The following PIK3CD variants were observed in gnomAD, a reference collection of about 807,000 sequenced individuals.
PIK3CD encodes the protein phosphatidylinositol-4,5-bisphosphate 3-kinase catalytic subunit delta.
PIK3CD carries 20 observed loss-of-function variants against 122.9 expected under a neutral mutation model. The observed-to-expected ratio is 0.16, with a 90% CI of 0.11 to 0.24. The LOEUF is 0.24. Ranked by LOEUF, PIK3CD falls within the 10% of genes least tolerant of loss-of-function variation. The probability of loss-of-function intolerance (pLI) is 1.00; values close to 1 mark genes in which losing one functional copy is unlikely to be tolerated. For missense variants in PIK3CD, 787 were observed against 1,406.3 expected (o/e 0.56, Z 7.04); for synonymous variants, 596 against 593.4 (o/e 1.00, Z -0.06).
Position 9,702,098 on chromosome 1 carries a change from G to A in PIK3CD, c.-32-8326G>A, listed in dbSNP as rs111262400. On this transcript the variant is annotated intron_variant, in intron 2 of 23. Transcript: ENST00000377346. ...CAACCTCTGCCACCTGGGTTCAAGC[G>A]AGTCTCCTGCCTCAGCCTCCCGAGT... is the stretch of plus-strand genomic sequence containing the variant. Among the ~76,000 whole-genome samples the A allele has an allele frequency of 4.3e-3, 655 of 151,642 alleles. 5 individuals carry two copies. The highest frequency in any genetic ancestry group is 0.015 in the African/African-American group (609 of 41,340).
At chr1:9,635,136 G>T in the PIK3CD span, among the ~76,000 whole-genome samples, 2 of 151,952 alleles carry the variant, frequency 1.3e-5, no homozygotes, top group Admixed American at 1.3e-4. Context: ...TTAGCCAGGC[G>T]TGGTGGTGCA....
intron 1 of PIK3CD, chr1:9,653,671 T>A: frequency 1.7e-6 from 1 of 574,262 alleles, no homozygotes; most frequent in Admixed American, 2.7e-5. Flanking sequence ...GTTCTTTTGG[T>A]TGATGAGGCT....
chr1:9,664,995 G>C (rs1350385367), intron 1 of PIK3CD, among the ~76,000 whole-genome samples: 1 of 151,914 alleles, frequency 6.6e-6, no homozygotes, highest in Non-Finnish European at 1.5e-5. Context: ...TAGAGCCCAG[G>C]AGTTTGAGAC....
In PIK3CD at chr1:9,723,314, A is replaced by G; in HGVS notation, c.2594+22A>G. 6.2e-7 allele frequency: 1 copy of G among 1,613,010 alleles called. No homozygotes were observed. The highest frequency in any genetic ancestry group is 8.5e-7 in the Non-Finnish European group (1 of 1,179,292). ...CGGGGTGGGTTTCAGGCCCAGGGAT[A>G]GGTTCCCTCTCCTTTCCAAGAGGTG... is the stretch of plus-strand genomic sequence containing the variant. On this transcript the variant is annotated intron_variant, in intron 20 of 23. Coordinates refer to ENST00000377346, the MANE Select transcript of PIK3CD (RefSeq NM_005026.5). This position sits in a 1 kb window ranked among gnomAD's most constrained non-coding sequence, Gnocchi z 4.9.
Position 9,689,607 on chromosome 1 carries a change from C to T in PIK3CD, c.-137-1860C>T, listed in dbSNP as rs1423393821. Among the ~76,000 whole-genome samples, 13 of 150,732 alleles carry T rather than the reference C, an allele frequency of 8.6e-5. No homozygotes were observed. Among genetic ancestry groups the T allele is most frequent in the African/African-American group, 2.9e-4 (12 of 41,270 alleles). On this transcript the variant is annotated intron_variant, in intron 1 of 23. Transcript: ENST00000377346. The surrounding 1 kb of genome is among the most constrained non-coding windows in gnomAD (Gnocchi z 6.1). ...GGGCCTGCCCTCCGGCCCCCGCCGG[C>T]CCCGCGCCGCTGCCCGGAGGCTGGC...
Position 9,717,441 on chromosome 1 carries a change from C to G in PIK3CD, c.931-96C>G. 1 of 1,232,278 alleles carries G rather than the reference C, an allele frequency of 8.1e-7. No individual in the cohort carries two copies. The highest frequency in any genetic ancestry group is 1.2e-6 in the Non-Finnish European group (1 of 836,192). The allele number at this position is 1,232,278 out of a possible 1,614,324, so 76.3% of individuals were successfully genotyped here. ...AACCTGGCCGCAAACCTGTGACCCT[C>G]TCACCCGCCCCCAAGTGGTCACGGG... is the stretch of plus-strand genomic sequence containing the variant. On this transcript the variant is annotated intron_variant, in intron 7 of 23. Transcript: ENST00000377346. The surrounding 1 kb of genome is among the most constrained non-coding windows in gnomAD (Gnocchi z 5.4).
intron 1 of PIK3CD, among the ~76,000 whole-genome samples, chr1:9,665,201 CAAAAA>C (rs756515572): frequency 0.087 from 4,577 of 52,888 alleles, 83 homozygotes; most frequent in Middle Eastern, 0.14. Context: ...GACAGCCTGT[CAAAAA>C]AAAAAAAAAA....
At chr1:9,693,496 G>C (rs1201211056) in intron 2 of PIK3CD, among the ~76,000 whole-genome samples, 3 of 152,006 alleles carry the variant, frequency 2.0e-5, no homozygotes, top group Non-Finnish European at 4.4e-5. Context: ...GCCTCCCAAA[G>C]AGCTGGGATT....
chr1:9,646,422 A>G, the PIK3CD span, among the ~76,000 whole-genome samples: 2 of 152,236 alleles, frequency 1.3e-5, no homozygotes, highest in African/African-American at 2.4e-5. Context: ...GACCCGAAGC[A>G]GTGGCTCAGA....
At chr1:9,638,399 C>T in the PIK3CD span, among the ~76,000 whole-genome samples, 1 of 152,052 alleles carries the variant, frequency 6.6e-6, no homozygotes, top group African/African-American at 2.4e-5. Flanking sequence ...GTCACCCCTC[C>T]CTGCAGAACC....
chr1:9,660,111 C>T (rs1205555412), intron 1 of PIK3CD, among the ~76,000 whole-genome samples: 63 of 152,350 alleles, frequency 4.1e-4, no homozygotes, highest in African/African-American at 1.4e-3. Flanking sequence ...CGGGCTTTCA[C>T]CATGTTGGTC....
Position 9,724,400 on chromosome 1 carries a change from A to G in PIK3CD, c.2843A>G (p.Asn948Ser). The change falls in exon 22 of 24, where the codon AAT becomes AGT. Residue 948 changes from asparagine to serine, a missense_variant. This residue lies in a region of PIK3CD where 60 missense variants were observed against 129.5 expected (regional missense o/e 0.46). Coordinates refer to ENST00000377346, the MANE Select transcript of PIK3CD (RefSeq NM_005026.5). The surrounding 1 kb of genome is among the most constrained non-coding windows in gnomAD (Gnocchi z 7.3). ...CATGTGATTCAGCAGGGGAAGACTA[A>G]TAATAGTGAGAAATTTGAACGGTGA... ...FVHVIQQGKT[N>S]NSEKFERFRG... The G allele has an allele frequency of 6.2e-7, 1 of 1,614,096 alleles. No individual in the cohort carries two copies. The highest frequency in any genetic ancestry group is 8.5e-7 in the Non-Finnish European group (1 of 1,180,032).
chr1:9,630,113 C>G, the PIK3CD span, among the ~76,000 whole-genome samples: 1 of 152,232 alleles, frequency 6.6e-6, no homozygotes, highest in Admixed American at 6.5e-5. Flanking sequence ...GCGGTCCTCA[C>G]TCTGAAAACA....
In PIK3CD at chr1:9,724,142, C is replaced by CA. The variant is rs1225031271; in HGVS notation, c.2718+51dup. 1 of 1,613,780 alleles carries CA rather than the reference C, an allele frequency of 6.2e-7. No homozygotes were observed. The highest frequency in any genetic ancestry group is 8.5e-7 in the Non-Finnish European group (1 of 1,180,018). ...GCTGTGGGGACTTGGCTTCTGGCCCCAGCCTGCTGGCCCCTCTGCCTAGCA... is the reference window on the plus strand; with the variant it reads ...GCTGTGGGGACTTGGCTTCTGGCCCCAAGCCTGCTGGCCCCTCTGCCTAGCA... On this transcript the variant is annotated intron_variant, in intron 21 of 23. Transcript: ENST00000377346. The surrounding 1 kb of genome is among the most constrained non-coding windows in gnomAD (Gnocchi z 7.3).
intron 3 of PIK3CD, among the ~76,000 whole-genome samples, chr1:9,713,555 A>G (rs1174827849): frequency 6.6e-6 from 1 of 152,020 alleles, no homozygotes; most frequent in Non-Finnish European, 1.5e-5. Flanking sequence ...TAACGGTATA[A>G]CATTTTATTC....
At chr1:9,636,909 T>C in the PIK3CD span, among the ~76,000 whole-genome samples, 1 of 148,892 alleles carries the variant, frequency 6.7e-6, no homozygotes, top group Non-Finnish European at 1.5e-5. Context: ...TCTTTCTTTT[T>C]TTTTTTGAGA....
chr1:9,632,328 T>A, the PIK3CD span, among the ~76,000 whole-genome samples: 1 of 152,142 alleles, frequency 6.6e-6, no homozygotes, highest in Non-Finnish European at 1.5e-5. Context: ...TTCTTTTTTT[T>A]AAAGACAGAG....
Position 9,704,111 on chromosome 1 carries a change from G to A in PIK3CD, c.-32-6313G>A, listed in dbSNP as rs1292640308. ...GTGCTAGAGAGAGGTTCTTAGCCCAGAGAGACGGAAGGCACTTCCACTTTC... is the reference window on the plus strand; with the variant it reads ...GTGCTAGAGAGAGGTTCTTAGCCCAAAGAGACGGAAGGCACTTCCACTTTC... On this transcript the variant is annotated intron_variant, in intron 2 of 23. Coordinates refer to ENST00000377346, the MANE Select transcript of PIK3CD (RefSeq NM_005026.5). The surrounding 1 kb of genome is among the most constrained non-coding windows in gnomAD (Gnocchi z 5.0). Among the ~76,000 whole-genome samples, 1 of 152,154 alleles carries A rather than the reference G, an allele frequency of 6.6e-6. No individual in the cohort carries two copies. Among genetic ancestry groups the A allele is most frequent in the African/African-American group, 2.4e-5 (1 of 41,436 alleles).
intron 1 of PIK3CD, among the ~76,000 whole-genome samples, chr1:9,657,975 C>T (rs138056654): frequency 1.0e-3 from 153 of 152,244 alleles, no homozygotes; most frequent in African/African-American, 3.6e-3. Context: ...TGGGCCCCCC[C>T]CTTGCATCAG....
Sources: allele counts gnomAD v4.1 joint callset (sites outside exome capture counted in the v4.1 genomes callset), GRCh38; gene constraint gnomAD v4.1.1; regional missense constraint gnomAD v4.1.1; non-coding constraint Gnocchi (gnomAD v3.1); transcripts MANE v1.5; gene names NCBI Gene and HGNC (gene_info 2026-07-23, HGNC 2026-07-21).